KDM1A: variants seen among roughly 807,000 people sequenced by gnomAD.
The protein encoded by KDM1A is lysine-specific histone demethylase 1A.
A neutral mutation model predicts 109.4 loss-of-function variants in KDM1A; 49 were observed. The observed-to-expected ratio is 0.45, with a 90% CI of 0.36 to 0.57. The LOEUF is 0.57. Among genes scored for constraint, KDM1A ranks in the 20% least tolerant of loss-of-function variants. The pLI, the probability that KDM1A is intolerant of heterozygous loss-of-function variation, is 0.00. For missense variants in KDM1A, 668 were observed against 1,116.6 expected, an observed-to-expected ratio of 0.60 and a Z score of 5.73; for synonymous variants, 380 against 415.4, an observed-to-expected ratio of 0.91 and a Z score of 1.04.
At chr1:23,071,989 G>T (rs1460472266) in intron 13 of KDM1A, 135 bp from the exon 14 acceptor site, 2 of 607,812 alleles carry the variant, frequency 3.3e-6, no homozygotes, top group Admixed American at 3.0e-5. Context: ...TCTAACCCCA[G>T]CCTAAAATTG....
chr1:23,044,161 G>A (rs1288335793), intron 2 of KDM1A: 2 of 354,950 alleles, frequency 5.6e-6, no homozygotes, highest in African/African-American at 4.4e-5. Context: ...AAGACTGACA[G>A]CAAGGATTTA....
At chr1:23,066,014 G>T in intron 9 of KDM1A, 46 bp from the exon 10 acceptor site, 1 of 1,602,224 alleles carries the variant, frequency 6.2e-7, no homozygotes, top group Non-Finnish European at 8.5e-7. Flanking sequence ...TGGCTGTTGG[G>T]CTGTTATTTA....
intron 4 of KDM1A, among the ~76,000 whole-genome samples, chr1:23,053,190 C>T (rs939382368): frequency 1.3e-5 from 2 of 152,158 alleles, no homozygotes; most frequent in African/African-American, 4.8e-5. Flanking sequence ...TAGTTGCTCC[C>T]TTCTAGCTCT....
At chr1:23,069,966 C>A (rs1643270917) in intron 12 of KDM1A, among the ~76,000 whole-genome samples, 1 of 152,244 alleles carries the variant, frequency 6.6e-6, no homozygotes, top group African/African-American at 2.4e-5. Flanking sequence ...TCTTGCCTCA[C>A]TCTCACTGTG....
chr1:23,044,890 C>CTAGGA (rs574966112), intron 3 of KDM1A, among the ~76,000 whole-genome samples: 105 of 152,240 alleles, frequency 6.9e-4, no homozygotes, highest in South Asian at 1.9e-3. Context: ...GAGAGGCATT[C>CTAGGA]TAGGACTAGT....
At chr1:23,059,250 TACATATATAC>T (rs1642928608) in intron 9 of KDM1A, 83 bp downstream of exon 9, 3 of 890,920 alleles carry the variant, frequency 3.4e-6, no homozygotes, top group Non-Finnish European at 5.6e-6. Context: ...GATGAGCATA[TACATATATAC>T]ACATATAGAG....
chr1:23,073,411 T>A lies in KDM1A; in HGVS notation c.1734+8T>A. 2 of 1,436,582 alleles carry A rather than the reference T, an allele frequency of 1.4e-6. No homozygotes were observed. The highest frequency in any genetic ancestry group is 2.0e-6 in the Non-Finnish European group (2 of 1,019,434). 89.0% of individuals were successfully genotyped at this position (1,436,582 alleles called of 1,614,324 possible). ...CTTAAGCACTGGGATCAGGTAAGTT[T>A]CCCTTATTGTTTATTTTATTGCACA... On this transcript the variant is annotated splice_region_variant and intron_variant, in intron 15 of 20. Coordinates refer to ENST00000400181, the MANE Select transcript of KDM1A (RefSeq NM_001009999.3).
chr1:23,045,587 TC>T (rs1357525475), intron 3 of KDM1A, among the ~76,000 whole-genome samples: 1 of 152,194 alleles, frequency 6.6e-6, no homozygotes, highest in Non-Finnish European at 1.5e-5. Context: ...AATTAGATCT[TC>T]CATGGAACTG....
intron 4 of KDM1A, among the ~76,000 whole-genome samples, chr1:23,051,096 A>G (rs921939976): frequency 6.6e-6 from 1 of 152,150 alleles, no homozygotes; most frequent in Non-Finnish European, 1.5e-5. Context: ...TCAAAAAAAA[A>G]CAAAAACCTT....
rs1355211040 is a variant in KDM1A, at chr1:23,068,664, A to G, written c.1305A>G (p.Ala435=). Residue 435 remains alanine (A), a synonymous_variant, in exon 11 of 21, where the codon GCA becomes GCG. Coordinates refer to ENST00000400181, the MANE Select transcript of KDM1A (RefSeq NM_001009999.3). ...LNNKPVSLGQ[A]LEVVIQLQEK... is the part of the protein sequence containing the mutation. The stretch of plus-strand genomic sequence containing the variant: ...ATAAGCCTGTGTCCCTTGGCCAGGC[A>G]TTGGAAGTTGTCATTCAGTAAGTAC... 2 of 1,564,464 alleles carry G rather than the reference A, an allele frequency of 1.3e-6. No individual in the cohort carries two copies. Among genetic ancestry groups the G allele is most frequent in the African/African-American group, 2.8e-5 (2 of 72,372 alleles).
intron 20 of KDM1A, 30 bp downstream of exon 20, chr1:23,082,396 T>C (rs1557605873): frequency 6.3e-7 from 1 of 1,589,816 alleles, no homozygotes; most frequent in Non-Finnish European, 8.6e-7. Context: ...TCTGGGCTTA[T>C]TTGGGAAGAG....
chr1:23,061,208 G>C (rs533593063), intron 9 of KDM1A, among the ~76,000 whole-genome samples: 1 of 152,226 alleles, frequency 6.6e-6, no homozygotes, highest in Non-Finnish European at 1.5e-5. Flanking sequence ...TGTGGAATGA[G>C]ATAAAGAAAT....
intron 10 of KDM1A, among the ~76,000 whole-genome samples, chr1:23,068,138 C>A (rs926846591): frequency 3.3e-5 from 5 of 152,126 alleles, no homozygotes; most frequent in African/African-American, 1.2e-4. Flanking sequence ...CTTGGAAGGT[C>A]CTCAGGTTTG....
intron 15 of KDM1A, among the ~76,000 whole-genome samples, chr1:23,074,012 A>G (rs1364677365): frequency 6.6e-6 from 1 of 152,222 alleles, no homozygotes; most frequent in Non-Finnish European, 1.5e-5. Flanking sequence ...GCTGGGTACT[A>G]TGGAAAGTGG....
intron 7 of KDM1A, 134 bp from the exon 8 acceptor site, chr1:23,057,350 A>G: frequency 3.0e-6 from 2 of 666,080 alleles, no homozygotes; most frequent in Non-Finnish European, 5.4e-6. Flanking sequence ...TGCCCATAGT[A>G]CTGTTGATTG....
At chr1:23,058,193 A>T (rs1642892373) in intron 8 of KDM1A, among the ~76,000 whole-genome samples, 1 of 152,068 alleles carries the variant, frequency 6.6e-6, no homozygotes. Flanking sequence ...TGCTTGGTTA[A>T]TTTTTAATTC....
intron 9 of KDM1A, among the ~76,000 whole-genome samples, chr1:23,064,659 A>G (rs1478840489): frequency 6.6e-6 from 1 of 152,214 alleles, no homozygotes; most frequent in Non-Finnish European, 1.5e-5. Context: ...CTCCTTCGAG[A>G]TTACTTCTTG....
intron 2 of KDM1A, among the ~76,000 whole-genome samples, chr1:23,043,369 A>C (rs566253042): frequency 6.6e-6 from 1 of 152,330 alleles, no homozygotes; most frequent in East Asian, 1.9e-4. Context: ...ACACATTCTA[A>C]TATCATTGTC....
intron 1 of KDM1A, among the ~76,000 whole-genome samples, chr1:23,022,030 C>G (rs1391675186): frequency 6.6e-6 from 1 of 152,310 alleles, no homozygotes; most frequent in East Asian, 1.9e-4. Context: ...GAATAATATT[C>G]CATTGTATGG....
Sources: gnomAD v4.1 joint callset for allele counts (sites outside exome capture counted in the v4.1 genomes callset) on GRCh38, gnomAD v4.1.1 for gene constraint, MANE v1.5 for transcripts, NCBI Gene and HGNC (gene_info 2026-07-23, HGNC 2026-07-21) for gene names.